Variants in LAMC1 observed in about 807,000 individuals in gnomAD.
The protein encoded by LAMC1 is laminin subunit gamma 1.
LAMC1 carries 38 observed loss-of-function variants against 173.6 expected under a neutral mutation model. That is an observed-to-expected ratio of 0.22 (90% CI 0.17 to 0.29). The LOEUF (loss-of-function observed/expected upper bound fraction) is 0.29. Among genes scored for constraint, LAMC1 ranks in the 10% least tolerant of loss-of-function variants. The probability of loss-of-function intolerance (pLI) is 1.00; values close to 1 mark genes in which losing one functional copy is unlikely to be tolerated. For missense variants in LAMC1, 1,824 were observed against 2,051.8 expected, an observed-to-expected ratio of 0.89 and a Z score of 2.14; for synonymous variants, 746 against 749.1, an observed-to-expected ratio of 1.00 and a Z score of 0.07.
At chr1:183,072,400 A>G (rs991022382) in intron 1 of LAMC1, among the ~76,000 whole-genome samples, 6 of 152,234 alleles carry the variant, frequency 3.9e-5, no homozygotes, top group Non-Finnish European at 8.8e-5. Context: ...GGCCAGCTTC[A>G]TAGAGAGCCC....
chr1:183,037,703 C>G (rs1654018711), intron 1 of LAMC1, among the ~76,000 whole-genome samples: 1 of 152,056 alleles, frequency 6.6e-6, no homozygotes, highest in African/African-American at 2.4e-5. Flanking sequence ...CAGAGTGTTG[C>G]CGAGCTAAGG....
chr1:183,025,201 A>G (rs4652766), intron 1 of LAMC1, among the ~76,000 whole-genome samples: 75,748 of 151,912 alleles, frequency 0.5, 19,594 homozygotes, highest in South Asian at 0.64. Context: ...GTAATTTTGT[A>G]AGGCTAATAT....
rs545977030 is a variant in LAMC1, at chr1:183,060,900, A to T, written c.418+36766A>T. 2.0e-4 allele frequency among the ~76,000 whole-genome samples: 30 copies of T among 152,312 alleles called. No homozygotes were observed. The South Asian group carries it at 4.8e-3, about 24-fold the overall frequency. ...AGAAGTAGGTTTGTGTAAAATAGAG[A>T]TAGGAAGATATGATCACTTCATGAA... On this transcript the variant is annotated intron_variant, in intron 1 of 27. Transcript: ENST00000258341.
intron 25 of LAMC1, 77 bp downstream of exon 25, chr1:183,136,662 A>G: frequency 1.6e-6 from 2 of 1,254,944 alleles, no homozygotes; most frequent in South Asian, 1.4e-5. Context: ...CCAGACCCTC[A>G]GAGCCCTTGC....
chr1:183,135,250 CCCAACTCCCTACTTTTTTTATG>C, intron 24 of LAMC1, 94 bp downstream of exon 24: 1 of 730,870 alleles, frequency 1.4e-6, no homozygotes, highest in Non-Finnish European at 2.4e-6. Flanking sequence ...TTACTTCATC[CCCAACTCCCTACTTTTTTTATG>C]CTAAAGTATT....
At position 183,103,642 on chromosome 1, in the gene LAMC1, C is replaced by G; in HGVS notation, c.723+10C>G. On this transcript the variant is annotated intron_variant, in intron 2 of 27. Transcript: ENST00000258341. ...TAGCCCTGTGCTGCAGGTAAATTCT[C>G]ACAGGTTGGCCTGAAGCCAGCTAGT... is the stretch of plus-strand genomic sequence containing the variant. 6.5e-7 allele frequency: 1 copy of G among 1,528,008 alleles called. No homozygotes were observed. Among genetic ancestry groups the G allele is most frequent in the Non-Finnish European group, 8.8e-7 (1 of 1,138,866 alleles). 94.7% of individuals were successfully genotyped at this position (1,528,008 alleles called of 1,614,324 possible). A position where few individuals can be genotyped will look rare whatever the true frequency, so the allele number is the denominator to read the frequency against.
chr1:183,125,632 T>C (rs1656599477), intron 15 of LAMC1, 82 bp downstream of exon 15: 1 of 1,089,434 alleles, frequency 9.2e-7, no homozygotes, highest in Non-Finnish European at 1.3e-6. Flanking sequence ...CATTTAATAA[T>C]TGACTGTTCA....
Position 183,103,526 on chromosome 1 carries a change from C to T in LAMC1, c.617C>T (p.Thr206Ile). Residue 206 changes from threonine (T) to isoleucine (I), a missense_variant, in exon 2 of 28, where the codon ACT becomes ATT. Thr to Ile is a moderately conservative substitution (Grantham distance 89, BLOSUM62 -1). Transcript: ENST00000258341. The stretch of plus-strand genomic sequence containing the variant: ...GGGGACGAGCAGCAGGCCTTGTGTA[C>T]TGATGAATTCAGTGACATTTCTCCC... ...TGGDEQQALC[T>I]DEFSDISPLT... 3.1e-6 allele frequency: 5 copies of T among 1,614,086 alleles called. No individual in the cohort carries two copies. The highest frequency in any genetic ancestry group is 4.2e-6 in the Non-Finnish European group (5 of 1,179,996).
chr1:183,044,720 T>A (rs1380441862), intron 1 of LAMC1, among the ~76,000 whole-genome samples: 1 of 152,164 alleles, frequency 6.6e-6, no homozygotes, highest in Admixed American at 6.5e-5. Flanking sequence ...CTGTCTGTTC[T>A]GTTGAACTTT....
chr1:183,050,891 CAA>C (rs779377179), intron 1 of LAMC1, among the ~76,000 whole-genome samples: 120 of 54,728 alleles, frequency 2.2e-3, no homozygotes, highest in African/African-American at 6.4e-3. Context: ...AACTCCATCT[CAA>C]AAAAAAAAAA....
chr1:183,109,653 T>C (rs1656087615), intron 3 of LAMC1, among the ~76,000 whole-genome samples: 1 of 152,204 alleles, frequency 6.6e-6, no homozygotes, highest in African/African-American at 2.4e-5. Flanking sequence ...AATTTGGGAC[T>C]TGTCCTGCCA....
At chr1:183,036,213 C>T (rs1050812843) in intron 1 of LAMC1, among the ~76,000 whole-genome samples, 9 of 151,524 alleles carry the variant, frequency 5.9e-5, no homozygotes, top group African/African-American at 2.2e-4. Context: ...ATTCTTCTGC[C>T]TCAGCCTCCC....
chr1:183,062,991 TA>T (rs1338079168), intron 1 of LAMC1, among the ~76,000 whole-genome samples: 3 of 152,172 alleles, frequency 2.0e-5, no homozygotes, highest in Non-Finnish European at 4.4e-5. Flanking sequence ...TTACTAATCA[TA>T]TTTAGTGACA....
intron 18 of LAMC1, 104 bp from the exon 19 acceptor site, chr1:183,130,240 T>TGA: frequency 1.0e-6 from 1 of 981,790 alleles, no homozygotes; most frequent in South Asian, 1.6e-5. Context: ...GGCAGAAAGT[T>TGA]GCGATGTTTA....
intron 1 of LAMC1, among the ~76,000 whole-genome samples, chr1:183,069,995 G>A (rs1654973884): frequency 6.6e-6 from 1 of 152,140 alleles, no homozygotes; most frequent in Non-Finnish European, 1.5e-5. Flanking sequence ...AGTTTGAGAT[G>A]GCACAGTGCC....
Position 183,124,845 on chromosome 1 carries a change from C to G in LAMC1, c.2616C>G (p.Pro872=). The G allele has an allele frequency of 1.2e-6, 2 of 1,614,100 alleles. No individual in the cohort carries two copies. The highest frequency in any genetic ancestry group is 2.2e-5 in the South Asian group (2 of 91,076). ...DRCKDGFFGN[P]LAPNPADKCK... ...GCAAAGACGGATTTTTTGGAAATCC[C>G]CTGGCTCCCAATCCAGCAGACAAAT... The change falls in exon 14 of 28, where the codon CCC becomes CCG. Residue 872 remains proline (P), a synonymous_variant. Transcript: ENST00000258341.
chr1:183,061,984 AGTT>A (rs1384268249), intron 1 of LAMC1, among the ~76,000 whole-genome samples: 1 of 152,256 alleles, frequency 6.6e-6, no homozygotes, highest in Non-Finnish European at 1.5e-5. Context: ...CTATAGTGCC[AGTT>A]GACTCTGCAC....
At position 183,127,303 on chromosome 1, in the gene LAMC1, G is replaced by A. The variant is rs779959416; in HGVS notation, c.3022G>A (p.Val1008Met). 7 of 1,614,092 alleles carry A rather than the reference G, an allele frequency of 4.3e-6. No individual in the cohort carries two copies. Among genetic ancestry groups the A allele is most frequent in the Non-Finnish European group, 5.9e-6 (7 of 1,180,044 alleles). ...TCGCTGTGAATGCAGAGAAGGCTTT[G>A]TGGGAAATCGCTGTGACCAGTGTGA... ...DGRCECREGF[V>M]GNRCDQCEEN... The change falls in exon 17 of 28, where the codon GTG (valine) becomes ATG (methionine). Residue 1008 changes from valine (V) to methionine (M), a missense_variant. Val to Met is a conservative substitution (Grantham distance 21). Transcript: ENST00000258341.
chr1:183,087,817 CTT>C (rs111291713), intron 1 of LAMC1, among the ~76,000 whole-genome samples: 17 of 143,500 alleles, frequency 1.2e-4, no homozygotes, highest in Admixed American at 2.8e-4. Flanking sequence ...CTTTTCTTTC[CTT>C]TTTTTTTTTT....
Sources: gnomAD v4.1 joint callset for allele counts (sites outside exome capture counted in the v4.1 genomes callset) on GRCh38, gnomAD v4.1.1 for gene constraint, MANE v1.5 for transcripts, NCBI Gene and HGNC (gene_info 2026-07-23, HGNC 2026-07-21) for gene names.